Variants in MRTFA observed in about 807,000 individuals in gnomAD.
MRTFA encodes myocardin-related transcription factor A.
MRTFA carries 20 observed loss-of-function variants against 83.5 expected under a neutral mutation model. The ratio of observed to expected loss-of-function variants is 0.24; its 90% CI spans 0.17 to 0.35. The LOEUF (loss-of-function observed/expected upper bound fraction) is 0.35, where lower values mean the gene tolerates loss of function less well. Among genes scored for constraint, MRTFA ranks in the 10% least tolerant of loss-of-function variants. MRTFA has a pLI of 1.00. For synonymous variants in MRTFA, 659 were observed against 541.2 expected, an observed-to-expected ratio of 1.22 and a Z score of -3.02; for missense variants, 1,200 against 1,224.7, an observed-to-expected ratio of 0.98 and a Z score of 0.30.
rs2052694822 is a variant in MRTFA, at chr22:40,417,030, C to T, written c.2534G>A (p.Ser845Asn). Residue 845 changes from serine to asparagine, a missense_variant, in exon 14 of 15, where the codon AGC becomes AAC. Ser to Asn is a conservative substitution (Grantham distance 46). Coordinates refer to ENST00000355630, the MANE Select transcript of MRTFA (RefSeq NM_020831.6). ...GTCAAACAGGTCGTCCATCTGCTGG[C>T]TTGAGGAACCATTTTCCTGTGGGAC... 2 of 1,595,516 alleles carry T rather than the reference C, an allele frequency of 1.3e-6. No individual in the cohort carries two copies. The highest frequency in any genetic ancestry group is 1.7e-6 in the Non-Finnish European group (2 of 1,171,022).
Position 40,598,670 on chromosome 22 carries a change from C to T in MRTFA, c.-83-3935G>A, listed in dbSNP as rs968277647. Among the ~76,000 whole-genome samples the T allele has an allele frequency of 4.6e-5, 7 of 152,198 alleles. No individual in the cohort carries two copies. In the East Asian group the frequency reaches 1.2e-3, roughly 25 times the overall value. On this transcript the variant is annotated intron_variant, in intron 1 of 14. Coordinates refer to ENST00000355630, the MANE Select transcript of MRTFA (RefSeq NM_020831.6). ...TAAAAATTAGATGTGTGTGCCCCCC[C>T]AAAATTGGAAATATTGTTCCTTAAA...
intron 3 of MRTFA, chr22:40,523,801 A>G (rs1217837306): frequency 6.6e-6 from 1 of 152,194 alleles, no homozygotes; most frequent in Non-Finnish European, 1.5e-5. Flanking sequence ...CTGTTTGAGT[A>G]ACCTAATTAA....
chr22:40,500,316 TC>T (rs1232809622), intron 3 of MRTFA, among the ~76,000 whole-genome samples: 1 of 136,654 alleles, frequency 7.3e-6, no homozygotes, highest in Non-Finnish European at 1.6e-5. Flanking sequence ...CATATTGCTT[TC>T]TTTTTTTTTG....
At position 40,634,522 on chromosome 22, in the gene MRTFA, C is replaced by G. The variant is rs140476490; in HGVS notation, c.-84+1956G>C. On this transcript the variant is annotated intron_variant, in intron 1 of 14. Transcript: ENST00000355630. Reference sequence around the variant, plus strand: ...ATCCACAGGAAAAGCTCCCTTGACTCTCCCAGTGAAGTCTGGATTTAGAGT... The same window carrying G: ...ATCCACAGGAAAAGCTCCCTTGACTGTCCCAGTGAAGTCTGGATTTAGAGT... Among the ~76,000 whole-genome samples, 89 of 152,314 alleles carry G rather than the reference C, an allele frequency of 5.8e-4. 1 individual carries two copies. Among genetic ancestry groups the G allele is most frequent in the Non-Finnish European group, 3.4e-4 (23 of 68,024 alleles).
At chr22:40,540,423 A>C (rs2055268984) in intron 3 of MRTFA, among the ~76,000 whole-genome samples, 2 of 152,064 alleles carry the variant, frequency 1.3e-5, no homozygotes, top group Non-Finnish European at 2.9e-5. Context: ...GCCTCCATGG[A>C]TATGCTAACT....
At chr22:40,636,313 C>G (rs1283688169) in intron 1 of MRTFA, among the ~76,000 whole-genome samples, 165 bp downstream of exon 1, 1 of 152,126 alleles carries the variant, frequency 6.6e-6, no homozygotes, top group Non-Finnish European at 1.5e-5. Context: ...GACTCCGGCC[C>G]CGAGGGCAGG....
chr22:40,540,591 C>A (rs2055272243), intron 3 of MRTFA, among the ~76,000 whole-genome samples: 1 of 151,966 alleles, frequency 6.6e-6, no homozygotes, highest in African/African-American at 2.4e-5. Flanking sequence ...ACCAACCTGA[C>A]CAACATGGTG....
At chr22:40,538,584 A>AT (rs563391678) in intron 3 of MRTFA, among the ~76,000 whole-genome samples, 1 of 151,876 alleles carries the variant, frequency 6.6e-6, no homozygotes, top group Non-Finnish European at 1.5e-5. Flanking sequence ...AATTAAAAAA[A>AT]AAATTAAACA....
chr22:40,468,898 A>G (rs916432316), intron 3 of MRTFA, among the ~76,000 whole-genome samples: 13 of 152,296 alleles, frequency 8.5e-5, no homozygotes, highest in Admixed American at 2.0e-4. Flanking sequence ...GGTTGGAGCC[A>G]AGTTTGAATG....
At chr22:40,487,030 C>A (rs1411793877) in intron 3 of MRTFA, among the ~76,000 whole-genome samples, 1 of 152,140 alleles carries the variant, frequency 6.6e-6, no homozygotes, top group Non-Finnish European at 1.5e-5. Flanking sequence ...ATTCACTACA[C>A]AAGAGACTAA....
intron 2 of MRTFA, among the ~76,000 whole-genome samples, chr22:40,572,683 A>G (rs1179469080): frequency 2.6e-5 from 4 of 152,170 alleles, no homozygotes; most frequent in African/African-American, 7.2e-5. Context: ...CCACATTGCT[A>G]GGGAAACCTC....
chr22:40,513,768 T>C (rs1191226823), intron 3 of MRTFA, among the ~76,000 whole-genome samples: 1 of 151,928 alleles, frequency 6.6e-6, no homozygotes, highest in Non-Finnish European at 1.5e-5. Flanking sequence ...GCAAAATATG[T>C]AGTGCTTTTA....
intron 3 of MRTFA, chr22:40,519,453 G>C: frequency 1.5e-6 from 2 of 1,336,534 alleles, no homozygotes; most frequent in Non-Finnish European, 2.0e-6. Context: ...TGTTGTTTTA[G>C]CGTTACCTAC....
intron 3 of MRTFA, among the ~76,000 whole-genome samples, chr22:40,538,516 A>C (rs1364307834): frequency 6.6e-6 from 1 of 150,426 alleles, no homozygotes; most frequent in Non-Finnish European, 1.5e-5. Flanking sequence ...CTATTGTCCC[A>C]TGACCCTGCC....
intron 4 of MRTFA, among the ~76,000 whole-genome samples, chr22:40,461,994 T>G (rs1042178883): frequency 6.6e-6 from 1 of 152,346 alleles, no homozygotes; most frequent in Non-Finnish European, 1.5e-5. Context: ...CACTTGCTTT[T>G]TCTTCTCTCT....
chr22:40,609,745 T>C (rs55719110), intron 1 of MRTFA, among the ~76,000 whole-genome samples: 15,354 of 151,612 alleles, frequency 0.1, 931 homozygotes, highest in East Asian at 0.25. Flanking sequence ...GCAGGAGAAT[T>C]GCTTGAACCC....
At chr22:40,540,192 G>T (rs1417379658) in intron 3 of MRTFA, among the ~76,000 whole-genome samples, 4 of 152,054 alleles carry the variant, frequency 2.6e-5, no homozygotes, top group African/African-American at 9.7e-5. Context: ...GATTACAGAT[G>T]TAAGCCACCA....
intron 1 of MRTFA, among the ~76,000 whole-genome samples, chr22:40,607,323 T>C (rs1359392012): frequency 6.6e-6 from 1 of 151,920 alleles, no homozygotes; most frequent in Non-Finnish European, 1.5e-5. Context: ...GCTAACACGG[T>C]GAAACCCCAT....
At chr22:40,470,305 G>T (rs1235760730) in intron 3 of MRTFA, among the ~76,000 whole-genome samples, 1 of 106,468 alleles carries the variant, frequency 9.4e-6, no homozygotes, top group Non-Finnish European at 1.8e-5. Context: ...AAGAGCAAAA[G>T]AAAATTTGGG....
Sources: allele counts gnomAD v4.1 joint callset (sites outside exome capture counted in the v4.1 genomes callset), GRCh38; gene constraint gnomAD v4.1.1; transcripts MANE v1.5; gene names NCBI Gene and HGNC (gene_info 2026-07-23, HGNC 2026-07-21).